GNA15: variants seen among roughly 807,000 people sequenced by gnomAD.
GNA15 encodes the protein guanine nucleotide-binding protein subunit alpha-15.
In GNA15, 23 loss-of-function variants were observed where a neutral mutation model predicts 40.1. The ratio of observed to expected loss-of-function variants is 0.57; its 90% CI spans 0.41 to 0.81. The LOEUF is 0.81. GNA15 is among the 40% of genes least tolerant of loss of function. GNA15 has a pLI of 0.00. For synonymous variants in GNA15, 226 were observed against 210.4 expected (o/e 1.07, Z -0.64); for missense variants, 522 against 515.8 (o/e 1.01, Z -0.12).
At position 3,151,729 on chromosome 19, in the gene GNA15, A is replaced by C. The variant is rs1187081050; in HGVS notation, c.508A>C (p.Ile170Leu). Residue 170 changes from isoleucine (I) to leucine (L), a missense_variant, in exon 4 of 7, where the codon ATC (isoleucine) becomes CTC (leucine). By Grantham distance (5) the Ile-to-Leu change is conservative. Coordinates refer to ENST00000262958, the MANE Select transcript of GNA15 (RefSeq NM_002068.4). This position sits in a 1 kb window ranked among gnomAD's most constrained non-coding sequence, Gnocchi z 5.0. ...CAGCTACCTGTCCCACCTGGAGCGC[A>C]TCACCGAGGAGGGCTACGTCCCCAC... ...AVYYLSHLER[I>L]TEEGYVPTAQ... The C allele has an allele frequency of 6.2e-7, 1 of 1,605,854 alleles. No individual in the cohort carries two copies. Among genetic ancestry groups the C allele is most frequent in the African/African-American group, 1.3e-5 (1 of 74,660 alleles).
In GNA15 at chr19:3,139,981, C is replaced by G. The variant is rs374149726; in HGVS notation, c.145+3386C>G. On this transcript the variant is annotated intron_variant, in intron 1 of 6. Coordinates refer to ENST00000262958, the MANE Select transcript of GNA15 (RefSeq NM_002068.4). ...CTTGGAGGCAGAGGTTGCAGTGAGC[C>G]AAGATCACACCACTGAACTCCAGCC... Among the ~76,000 whole-genome samples the G allele has an allele frequency of 6.4e-4, 95 of 149,224 alleles. 2 individuals are homozygous for G. Among genetic ancestry groups the G allele is most frequent in the Middle Eastern group, 6.8e-3 (2 of 292 alleles).
intron 1 of GNA15, chr19:3,146,632 C>G (rs1348645799): frequency 6.6e-6 from 1 of 152,508 alleles, no homozygotes; most frequent in East Asian, 1.9e-4. Flanking sequence ...TCAAATATGT[C>G]CTCTCCTCTC....
At chr19:3,145,909 T>C (rs1914711323) in intron 1 of GNA15, among the ~76,000 whole-genome samples, 1 of 151,852 alleles carries the variant, frequency 6.6e-6, no homozygotes, top group Admixed American at 6.6e-5. Flanking sequence ...AACTGAGGAC[T>C]GGAGAGTCGA....
chr19:3,159,036 G>GT (rs917623561), intron 6 of GNA15, among the ~76,000 whole-genome samples: 3 of 150,826 alleles, frequency 2.0e-5, no homozygotes, highest in Non-Finnish European at 3.0e-5. Flanking sequence ...TTTTTTGTTT[G>GT]TTTTTTGAGA....
rs1306384701 is a variant in GNA15 at position 3,150,303 on chromosome 19, G to C, written c.485+18G>C. On this transcript the variant is annotated intron_variant, in intron 3 of 6. Coordinates refer to ENST00000262958, the MANE Select transcript of GNA15 (RefSeq NM_002068.4). ...GCCGTGTAGTGAGTCTGGGGTCTGC[G>C]GGGGATGGGCGCGTGGGGAGGGGCT... is the stretch of plus-strand genomic sequence containing the variant. 1 of 1,538,486 alleles carries C rather than the reference G, an allele frequency of 6.5e-7. No homozygotes were observed. Among genetic ancestry groups the C allele is most frequent in the South Asian group, 1.2e-5 (1 of 81,800 alleles).
intron 5 of GNA15, 67 bp downstream of exon 5, chr19:3,156,019 C>G: frequency 1.3e-6 from 2 of 1,491,660 alleles, no homozygotes; most frequent in African/African-American, 2.8e-5. Flanking sequence ...GCAGGAAGCT[C>G]TGGTGCAGAA....
Position 3,150,138 on chromosome 19 carries a change from C to T in GNA15, c.338C>T (p.Ala113Val), listed in dbSNP as rs375635151. 1.9e-6 allele frequency: 3 copies of T among 1,613,114 alleles called. No individual in the cohort carries two copies. The highest frequency in any genetic ancestry group is 2.5e-6 in the Non-Finnish European group (3 of 1,179,814). ...CCCGTCCTCCCTCCCCAGCACCACG[C>T]TAGCCTGGTCATGAGCCAGGACCCC... ...PFSRPESKHHASLVMSQDPYK... is the reference protein window; with the variant it reads ...PFSRPESKHHVSLVMSQDPYK... Residue 113 changes from alanine to valine, a missense_variant, in exon 3 of 7, where the codon GCT becomes GTT. Physicochemically the swap from Ala to Val is moderately conservative, Grantham distance 64 (BLOSUM62 0). Transcript: ENST00000262958.
Position 3,160,363 on chromosome 19 carries a change from C to T in GNA15, c.899-2430C>T, listed in dbSNP as rs549201701. 2.0e-5 allele frequency among the ~76,000 whole-genome samples: 3 copies of T among 152,310 alleles called. No individual in the cohort carries two copies. The East Asian group carries it at 5.8e-4, about 29-fold the overall frequency. On this transcript the variant is annotated intron_variant, in intron 6 of 6. Transcript: ENST00000262958. Reference sequence around the variant, plus strand: ...CTGTTCTCTCTGTCTCCATCTGGGGCCTCATGATCCACAGCCTCTTCACAT... The same window carrying T: ...CTGTTCTCTCTGTCTCCATCTGGGGTCTCATGATCCACAGCCTCTTCACAT...
chr19:3,140,044 A>AAATCTATCTATCT (rs71307196), intron 1 of GNA15, among the ~76,000 whole-genome samples: 8 of 124,054 alleles, frequency 6.4e-5, no homozygotes, highest in African/African-American at 2.0e-4. Flanking sequence ...AAAAAAAAAA[A>AAATCTATCTATCT]ATCTATCTAT....
In GNA15 at chr19:3,148,822, G is replaced by A. The variant is rs1035979292; in HGVS notation, c.330+47G>A. The A allele has an allele frequency of 1.1e-5, 16 of 1,511,398 alleles. No homozygotes were observed. In the African/African-American group the frequency reaches 2.1e-4, roughly 20 times the overall value. The allele number at this position is 1,511,398 out of a possible 1,614,324, so 93.6% of individuals were successfully genotyped here. ...GGGCCCAGGGCAGGCAGGGGCCCAGGGCAGGGTTCCCCAGACCCCGGAGCA... is the reference window on the plus strand; with the variant it reads ...GGGCCCAGGGCAGGCAGGGGCCCAGAGCAGGGTTCCCCAGACCCCGGAGCA... On this transcript the variant is annotated intron_variant, in intron 2 of 6. Transcript: ENST00000262958.
At chr19:3,161,889 T>G (rs1915144714) in intron 6 of GNA15, among the ~76,000 whole-genome samples, 1 of 151,144 alleles carries the variant, frequency 6.6e-6, no homozygotes, top group Non-Finnish European at 1.5e-5. Context: ...AAAAATTAGC[T>G]GGGTGTGGTG....
chr19:3,147,128 T>C (rs1230607277), intron 1 of GNA15, among the ~76,000 whole-genome samples: 1 of 152,258 alleles, frequency 6.6e-6, no homozygotes, highest in Non-Finnish European at 1.5e-5. Context: ...GAGGCCTTCC[T>C]TGACTGCGTG....
At chr19:3,157,662 C>T (rs997114317) in intron 5 of GNA15, 66 bp from the exon 6 acceptor site, 62 of 1,454,748 alleles carry the variant, frequency 4.3e-5, no homozygotes, top group Admixed American at 5.2e-5. Context: ...CCCGTCTCCG[C>T]GATGGGAGGG....
Position 3,162,960 on chromosome 19 carries a change from T to G in GNA15, c.1066T>G (p.Phe356Val), listed in dbSNP as rs1915174393. The change falls in exon 7 of 7, where the codon TTC becomes GTC. Residue 356 changes from phenylalanine to valine, a missense_variant. Coordinates refer to ENST00000262958, the MANE Select transcript of GNA15 (RefSeq NM_002068.4). ...AGACACACAGAACATCCGCAAGGTC[T>G]TCAAGGACGTGCGGGACTCGGTGCT... The part of the protein sequence containing the change: ...ATDTQNIRKV[F>V]KDVRDSVLAR... The G allele has an allele frequency of 6.2e-7, 1 of 1,613,970 alleles. No individual in the cohort carries two copies. Among genetic ancestry groups the G allele is most frequent in the Non-Finnish European group, 8.5e-7 (1 of 1,179,988 alleles).
chr19:3,151,039 AGGGACCCTGTTCCTGGG>A lies in GNA15; in HGVS notation c.486-661_486-645del, dbSNP rs1460582710. Among the ~76,000 whole-genome samples, 1 of 133,536 alleles carries A rather than the reference AGGGACCCTGTTCCTGGG, an allele frequency of 7.5e-6. No homozygotes were observed. Among genetic ancestry groups the A allele is most frequent in the African/African-American group, 2.9e-5 (1 of 34,698 alleles). The allele number at this position is 133,536 out of a possible 152,430, so 87.6% of individuals were successfully genotyped here. ...ATTCCTAGAGTGACCCTGTTCTTGG[AGGGACCCTGTTCCTGGG>A]GGGACCTTGTTCCTGGGGGAACCCT... On this transcript the variant is annotated intron_variant, in intron 3 of 6. Coordinates refer to ENST00000262958, the MANE Select transcript of GNA15 (RefSeq NM_002068.4). This position sits in a 1 kb window ranked among gnomAD's most constrained non-coding sequence, Gnocchi z 5.0.
intron 1 of GNA15, among the ~76,000 whole-genome samples, chr19:3,148,285 G>A (rs1416787411): frequency 1.3e-5 from 2 of 151,928 alleles, no homozygotes; most frequent in Non-Finnish European, 2.9e-5. Flanking sequence ...ATGGGGTTTC[G>A]CCATGTTTAC....
In GNA15 at chr19:3,155,160, A is replaced by T. The variant is rs1295865945; in HGVS notation, c.615-663A>T. On this transcript the variant is annotated intron_variant, in intron 4 of 6. Coordinates refer to ENST00000262958, the MANE Select transcript of GNA15 (RefSeq NM_002068.4). This position sits in a 1 kb window ranked among gnomAD's most constrained non-coding sequence, Gnocchi z 5.6. ...GGTTTCCCCTCCTGTGCAATGGGGC[A>T]AGTCCCTTCTTGCTTGAGGCCCTGG... 2.0e-5 allele frequency: 3 copies of T among 152,382 alleles called. No homozygotes were observed. The highest frequency in any genetic ancestry group is 2.9e-5 in the Non-Finnish European group (2 of 68,188). The allele number at this position is 152,382 out of a possible 1,614,324, so 9.4% of individuals were successfully genotyped here. A position where few individuals can be genotyped will look rare whatever the true frequency, so the allele number is the denominator to read the frequency against.
intron 3 of GNA15, 32 bp downstream of exon 3, chr19:3,150,317 T>TG (rs1303368341): frequency 6.6e-7 from 1 of 1,507,580 alleles, no homozygotes; most frequent in Non-Finnish European, 8.9e-7. Context: ...GATGGGCGCG[T>TG]GGGGAGGGGC....
intron 1 of GNA15, among the ~76,000 whole-genome samples, chr19:3,147,642 C>T (rs569219681): frequency 6.6e-6 from 1 of 151,610 alleles, no homozygotes; most frequent in African/African-American, 2.4e-5. Flanking sequence ...CGCGGTGGCT[C>T]ACGCTTGTAA....
Sources: allele counts gnomAD v4.1 joint callset (sites outside exome capture counted in the v4.1 genomes callset), GRCh38; gene constraint gnomAD v4.1.1; non-coding constraint Gnocchi (gnomAD v3.1); transcripts MANE v1.5; gene names NCBI Gene and HGNC (gene_info 2026-07-23, HGNC 2026-07-21).